AFF1: variants seen among roughly 807,000 people sequenced by gnomAD.
AFF1 encodes AF4/FMR2 family member 1.
AFF1 carries 48 observed loss-of-function variants against 121.7 expected under a neutral mutation model. The ratio of observed to expected loss-of-function variants is 0.39; its 90% CI spans 0.31 to 0.50. The LOEUF (loss-of-function observed/expected upper bound fraction) is 0.50. Among genes scored for constraint, AFF1 ranks in the 20% least tolerant of loss-of-function variants. AFF1 has a pLI of 0.76. For synonymous variants in AFF1, 613 were observed against 563.0 expected (o/e 1.09, Z -1.26); for missense variants, 1,523 against 1,511.7 (o/e 1.01, Z -0.12).
In AFF1 at chr4:87,111,211, G is replaced by A. The variant is rs866874288; in HGVS notation, c.1533+2896G>A. Among the ~76,000 whole-genome samples the A allele has an allele frequency of 4.1e-3, 359 of 86,584 alleles. 100 individuals are homozygous for A. Among genetic ancestry groups the A allele is most frequent in the African/African-American group, 0.014 (351 of 25,756 alleles). The allele number at this position is 86,584 out of a possible 152,430, so 56.8% of individuals were successfully genotyped here. On this transcript the variant is annotated intron_variant, in intron 11 of 20. Transcript: ENST00000395146. The stretch of plus-strand genomic sequence containing the variant: ...TTTTTTTTTTTTTAGTAGAGACGGG[G>A]TTTCACCGTGTTAGCCAGGATGGTC...
chr4:87,095,971 A>T (rs1270438266), intron 8 of AFF1, among the ~76,000 whole-genome samples: 1 of 152,064 alleles, frequency 6.6e-6, no homozygotes, highest in Admixed American at 6.5e-5. Flanking sequence ...TATTTGTTCC[A>T]TGTATTTTGG....
intron 8 of AFF1, among the ~76,000 whole-genome samples, chr4:87,097,879 C>T (rs1725024327): frequency 6.6e-6 from 1 of 152,148 alleles, no homozygotes; most frequent in South Asian, 2.1e-4. Flanking sequence ...TTTTGTGTGG[C>T]AAATCTCTTA....
chr4:87,060,864 A>AAAAAAAAAC (rs1268072173), intron 4 of AFF1, among the ~76,000 whole-genome samples: 1 of 49,140 alleles, frequency 2.0e-5, no homozygotes, highest in Non-Finnish European at 3.9e-5. Flanking sequence ...AAAAAAAAAA[A>AAAAAAAAAC]AAACACAAAA....
intron 2 of AFF1, among the ~76,000 whole-genome samples, chr4:87,002,852 G>A (rs1219809418): frequency 6.6e-6 from 1 of 152,038 alleles, no homozygotes. Context: ...GAATCAAATT[G>A]CATGGAAGTT....
At chr4:87,022,592 A>ATACATATATATATATATATATATATC (rs1465084690) in intron 2 of AFF1, among the ~76,000 whole-genome samples, 11 of 99,826 alleles carry the variant, frequency 1.1e-4, no homozygotes, top group African/African-American at 5.1e-4. Flanking sequence ...ATCTATCTAT[A>ATACATATATATATATATATATATATC]TCTATCTGTG....
At chr4:86,998,029 C>T (rs150391651) in intron 2 of AFF1, among the ~76,000 whole-genome samples, 2 of 133,884 alleles carry the variant, frequency 1.5e-5, no homozygotes, top group African/African-American at 2.8e-5. Context: ...ACCCAGCAGG[C>T]GGAGGTTGCA....
intron 2 of AFF1, among the ~76,000 whole-genome samples, chr4:86,980,848 TAA>T (rs1354053815): frequency 6.6e-6 from 1 of 151,500 alleles, no homozygotes; most frequent in Non-Finnish European, 1.5e-5. Context: ...AATAACATTT[TAA>T]AAAGTTGAGG....
chr4:87,015,643 C>A (rs960758035), intron 2 of AFF1, among the ~76,000 whole-genome samples: 2 of 152,290 alleles, frequency 1.3e-5, no homozygotes, highest in East Asian at 3.9e-4. Flanking sequence ...ACCCTTAGGG[C>A]AGGGAGGGGC....
chr4:87,119,744 T>G (rs1482846808), intron 12 of AFF1, among the ~76,000 whole-genome samples: 1 of 152,206 alleles, frequency 6.6e-6, no homozygotes, highest in Admixed American at 6.5e-5. Flanking sequence ...AATAAGGAGG[T>G]GCATTCATTC....
chr4:87,088,784 T>TATTC (rs1047277427), intron 5 of AFF1, among the ~76,000 whole-genome samples: 5 of 151,630 alleles, frequency 3.3e-5, no homozygotes, highest in African/African-American at 1.2e-4. Context: ...TGTATTTATT[T>TATTC]ATTTATTTTT....
chr4:87,060,837 A>C (rs1428295447), intron 4 of AFF1, among the ~76,000 whole-genome samples: 4 of 25,848 alleles, frequency 1.5e-4, no homozygotes, highest in African/African-American at 1.0e-3. Flanking sequence ...CTCTGTCTCA[A>C]AAAAAAAAAA....
At chr4:87,089,110 G>A (rs947196127) in intron 5 of AFF1, among the ~76,000 whole-genome samples, 2 of 152,104 alleles carry the variant, frequency 1.3e-5, no homozygotes, top group Non-Finnish European at 2.9e-5. Flanking sequence ...TTGACTTCCT[G>A]GGGTACCTTG....
intron 2 of AFF1, among the ~76,000 whole-genome samples, chr4:86,976,605 G>A (rs1168586912): frequency 6.6e-6 from 1 of 152,122 alleles, no homozygotes; most frequent in African/African-American, 2.4e-5. Flanking sequence ...ACAGACCCCA[G>A]GGCCCTACCA....
At chr4:87,076,355 T>G (rs1041361801) in intron 4 of AFF1, among the ~76,000 whole-genome samples, 3 of 152,230 alleles carry the variant, frequency 2.0e-5, no homozygotes, top group Non-Finnish European at 2.9e-5. Flanking sequence ...CTCATTTGTG[T>G]TAGTCTTCAC....
intron 2 of AFF1, chr4:87,020,836 A>G (rs1578078827): frequency 3.0e-6 from 3 of 985,268 alleles, no homozygotes; most frequent in Non-Finnish European, 3.6e-6. Context: ...GTCTTTTCAA[A>G]TTGTCCTGTT....
At chr4:87,070,903 A>G (rs1367775241) in intron 4 of AFF1, among the ~76,000 whole-genome samples, 1 of 152,220 alleles carries the variant, frequency 6.6e-6, no homozygotes, top group Non-Finnish European at 1.5e-5. Flanking sequence ...TAGTGTTTCC[A>G]CTTTTTACTC....
At chr4:87,020,098 T>A (rs1727746922) in intron 2 of AFF1, among the ~76,000 whole-genome samples, 1 of 152,210 alleles carries the variant, frequency 6.6e-6, no homozygotes, top group African/African-American at 2.4e-5. Flanking sequence ...CTTGAAAAAA[T>A]GTGATCACAA....
intron 11 of AFF1, among the ~76,000 whole-genome samples, chr4:87,113,311 T>C (rs968228414): frequency 6.6e-6 from 1 of 152,072 alleles, no homozygotes; most frequent in Non-Finnish European, 1.5e-5. Flanking sequence ...GAGACCAATG[T>C]GTCACTCTGT....
intron 2 of AFF1, among the ~76,000 whole-genome samples, chr4:87,033,573 AT>A (rs1729272833): frequency 6.6e-6 from 1 of 152,322 alleles, no homozygotes; most frequent in Admixed American, 6.5e-5. Flanking sequence ...CACTTAGTAC[AT>A]TTGATCTCTT....
Sources: allele counts gnomAD v4.1 joint callset (sites outside exome capture counted in the v4.1 genomes callset), GRCh38; gene constraint gnomAD v4.1.1; transcripts MANE v1.5; gene names NCBI Gene and HGNC (gene_info 2026-07-23, HGNC 2026-07-21).